The following DCT variants were observed in gnomAD, a reference collection of about 807,000 sequenced individuals.
DCT encodes the protein L-dopachrome tautomerase.
In DCT, 47 loss-of-function variants were observed where a neutral mutation model predicts 53.0. The ratio of observed to expected loss-of-function variants is 0.89; its 90% CI spans 0.70 to 1.13. The LOEUF is 1.13. Ranked by LOEUF, DCT falls within the 50% of genes most tolerant of loss-of-function variation. The pLI, the probability that DCT is intolerant of heterozygous loss-of-function variation, is 0.00. For missense variants in DCT, 669 were observed against 637.4 expected, an observed-to-expected ratio of 1.05 and a Z score of -0.53; for synonymous variants, 244 against 237.0, an observed-to-expected ratio of 1.03 and a Z score of -0.27.
the DCT span, among the ~76,000 whole-genome samples, chr13:94,491,411 C>T: frequency 6.6e-6 from 1 of 152,074 alleles, no homozygotes; most frequent in Non-Finnish European, 1.5e-5. Flanking sequence ...GATTAGGGGC[C>T]CATCCTACTC....
upstream of DCT, among the ~76,000 whole-genome samples, chr13:94,481,503 C>A (rs1337212793): frequency 6.6e-6 from 1 of 152,132 alleles, no homozygotes. Flanking sequence ...AGCCTTGGGG[C>A]TCCATAAATG....
At chr13:94,450,262 C>G (rs1882990671) in intron 6 of DCT, among the ~76,000 whole-genome samples, 1 of 152,094 alleles carries the variant, frequency 6.6e-6, no homozygotes, top group Non-Finnish European at 1.5e-5. Flanking sequence ...GCCACCCAGT[C>G]TCTGGTATTT....
Position 94,479,578 on chromosome 13 carries a change from T to C in DCT, c.-323A>G. The C allele has an allele frequency of 4.2e-6, 1 of 240,240 alleles. No homozygotes were observed. The highest frequency in any genetic ancestry group is 8.1e-6 in the Non-Finnish European group (1 of 123,444). The allele number at this position is 240,240 out of a possible 1,614,324, so 14.9% of individuals were successfully genotyped here. A position where few individuals can be genotyped will look rare whatever the true frequency, so the allele number is the denominator to read the frequency against. ...CCCGTTAAGTCAGGCTTTGTCTAAT[T>C]GAGTTAATTTACAGAGCACCCAGTC... On this transcript the variant is annotated 5_prime_UTR_variant, in exon 1 of 8. Transcript: ENST00000377028.
chr13:94,542,503 G>A, the DCT span, among the ~76,000 whole-genome samples: 4 of 152,114 alleles, frequency 2.6e-5, no homozygotes, highest in South Asian at 2.1e-4. Context: ...CACCTGGCCC[G>A]TTCCATCTTT....
intron 4 of DCT, among the ~76,000 whole-genome samples, chr13:94,464,639 AAAAAAACAAAAAAAC>A (rs1421181692): frequency 3.3e-5 from 5 of 151,652 alleles, no homozygotes; most frequent in Admixed American, 6.6e-5. Flanking sequence ...ACTCCATCTC[AAAAAAACAAAAAAAC>A]AAAAAACAAA....
At chr13:94,464,629 A>C (rs760753897) in intron 4 of DCT, among the ~76,000 whole-genome samples, 15 of 151,794 alleles carry the variant, frequency 9.9e-5, no homozygotes, top group Non-Finnish European at 2.2e-4. Flanking sequence ...ACAGAGTGAG[A>C]CTCCATCTCA....
At chr13:94,516,033 C>CTTCTTGATGCTGGG in the DCT span, among the ~76,000 whole-genome samples, 1 of 138,992 alleles carries the variant, frequency 7.2e-6, no homozygotes, top group Non-Finnish European at 1.6e-5. Context: ...GCAACTCAAG[C>CTTCTTGATGCTGGG]CCCGCCCCCA....
rs1343129512 is a variant in DCT, at chr13:94,443,584, A to G, written c.1233T>C (p.Asn411=). 6.2e-7 allele frequency: 1 copy of G among 1,614,070 alleles called. No individual in the cohort carries two copies. The highest frequency in any genetic ancestry group is 2.2e-5 in the East Asian group (1 of 44,858). Residue 411 remains asparagine, a synonymous_variant, in exon 7 of 8, where the codon AAT becomes AAC. Transcript: ENST00000377028. ...AIFDEWMKRF[N]PPADAWPQEL... is the part of the protein sequence containing the mutation. Reference sequence around the variant, plus strand: ...CCTGAGGCCAGGCATCTGCAGGAGGATTAAATCTTTTCATCCACTCATCAA... The same window carrying G: ...CCTGAGGCCAGGCATCTGCAGGAGGGTTAAATCTTTTCATCCACTCATCAA...
Position 94,479,273 on chromosome 13 carries a change from A to T in DCT, c.-18T>A. ...GGGCTCATGGCTTTATAATTGGGAG[A>T]GCTCTCTCTCTCTCTTACTTTCCTT... On this transcript the variant is annotated 5_prime_UTR_variant, in exon 1 of 8. Transcript: ENST00000377028. The T allele has an allele frequency of 6.5e-7, 1 of 1,545,966 alleles. No individual in the cohort carries two copies. Among genetic ancestry groups the T allele is most frequent in the Non-Finnish European group, 8.8e-7 (1 of 1,141,328 alleles).
At chr13:94,476,268 T>A (rs938949022) in intron 1 of DCT, among the ~76,000 whole-genome samples, 5 of 148,282 alleles carry the variant, frequency 3.4e-5, no homozygotes, top group African/African-American at 1.2e-4. Flanking sequence ...TATAAACATT[T>A]CCTTACCAAA....
the DCT span, among the ~76,000 whole-genome samples, chr13:94,536,201 G>A: frequency 1.3e-5 from 2 of 152,210 alleles, no homozygotes; most frequent in African/African-American, 4.8e-5. Flanking sequence ...TTAGGACCAG[G>A]GTTGATAGAT....
At chr13:94,440,925 C>T (rs1003330218) in intron 7 of DCT, among the ~76,000 whole-genome samples, 4 of 152,218 alleles carry the variant, frequency 2.6e-5, no homozygotes, top group East Asian at 3.9e-4. Flanking sequence ...AGGGAATCCA[C>T]CTGCCTCGGC....
chr13:94,512,765 G>T, the DCT span, among the ~76,000 whole-genome samples: 1 of 152,050 alleles, frequency 6.6e-6, no homozygotes, highest in African/African-American at 2.4e-5. Context: ...CACCCCATGT[G>T]TATTTATGTG....
intron 5 of DCT, among the ~76,000 whole-genome samples, chr13:94,461,023 T>G (rs1883752473): frequency 6.6e-6 from 1 of 152,206 alleles, no homozygotes; most frequent in South Asian, 2.1e-4. Flanking sequence ...CTGCTGAGGT[T>G]GGACACAGCC....
At chr13:94,524,358 G>T in the DCT span, among the ~76,000 whole-genome samples, 1 of 152,238 alleles carries the variant, frequency 6.6e-6, no homozygotes, top group African/African-American at 2.4e-5. Flanking sequence ...TCAGGATGGG[G>T]AGATCATGTG....
intron 6 of DCT, among the ~76,000 whole-genome samples, chr13:94,448,056 C>G (rs1487730786): frequency 6.6e-6 from 1 of 151,606 alleles, no homozygotes; most frequent in Non-Finnish European, 1.5e-5. Flanking sequence ...GAGACCAGCC[C>G]CAGCAACAGA....
intron 6 of DCT, among the ~76,000 whole-genome samples, chr13:94,445,173 G>T (rs2139281994): frequency 6.6e-6 from 1 of 152,340 alleles, no homozygotes; most frequent in Middle Eastern, 3.4e-3. Flanking sequence ...TTTGTTTCTT[G>T]ACTAACATGC....
At chr13:94,499,319 A>C in the DCT span, among the ~76,000 whole-genome samples, 3 of 152,154 alleles carry the variant, frequency 2.0e-5, no homozygotes, top group Non-Finnish European at 4.4e-5. Context: ...CCAAGAACCC[A>C]CCAGAAGGAA....
chr13:94,473,668 C>A (rs1358797085), intron 1 of DCT, among the ~76,000 whole-genome samples: 1 of 152,188 alleles, frequency 6.6e-6, no homozygotes. Flanking sequence ...AGATGCTTCA[C>A]AACTACAGTG....
Sources: gnomAD v4.1 joint callset for allele counts (sites outside exome capture counted in the v4.1 genomes callset) on GRCh38, gnomAD v4.1.1 for gene constraint, MANE v1.5 for transcripts, NCBI Gene and HGNC (gene_info 2026-07-23, HGNC 2026-07-21) for gene names.